MAF: variants seen among roughly 807,000 people sequenced by gnomAD.
The protein encoded by MAF is transcription factor Maf.
A neutral mutation model predicts 22.0 loss-of-function variants in MAF; 10 were observed. The observed-to-expected ratio is 0.45, with a 90% CI of 0.28 to 0.77. The LOEUF is 0.77. MAF is among the 30% of genes least tolerant of loss of function. MAF has a pLI of 0.12. For missense variants in MAF, 544 were observed against 548.4 expected (o/e 0.99, Z 0.08); for synonymous variants, 337 against 255.8 (o/e 1.32, Z -3.03).
At chr16:79,393,252 A>C in the MAF span, among the ~76,000 whole-genome samples, 1 of 151,616 alleles carries the variant, frequency 6.6e-6, no homozygotes, top group African/African-American at 2.4e-5. Flanking sequence ...CCTGGGCTGT[A>C]CCTACAGACT....
At chr16:79,310,440 A>C in the MAF span, among the ~76,000 whole-genome samples, 1 of 152,196 alleles carries the variant, frequency 6.6e-6, no homozygotes, top group Admixed American at 6.5e-5. Context: ...CTTTGTAAAT[A>C]CGCTCAAGAA....
the MAF span, among the ~76,000 whole-genome samples, chr16:79,260,573 G>A: frequency 3.3e-5 from 5 of 152,076 alleles, no homozygotes; most frequent in South Asian, 4.1e-4. Flanking sequence ...TTTTAAAATT[G>A]TATTCCCAAT....
At chr16:79,485,473 A>G in the MAF span, among the ~76,000 whole-genome samples, 1 of 152,178 alleles carries the variant, frequency 6.6e-6, no homozygotes, top group Admixed American at 6.5e-5. Flanking sequence ...CTCCTTGAGG[A>G]CCAGAGCTGA....
At chr16:79,537,500 C>A in the MAF span, among the ~76,000 whole-genome samples, 2 of 152,182 alleles carry the variant, frequency 1.3e-5, no homozygotes, top group African/African-American at 2.4e-5. Context: ...GCTCTAAGTT[C>A]GTGCGGCTGA....
chr16:79,398,685 C>A, the MAF span, among the ~76,000 whole-genome samples: 1 of 138,956 alleles, frequency 7.2e-6, no homozygotes, highest in Non-Finnish European at 1.6e-5. Context: ...CTCTGAGGTC[C>A]CTACCTTGGA....
At chr16:79,218,103 G>C in the MAF span, among the ~76,000 whole-genome samples, 8 of 143,970 alleles carry the variant, frequency 5.6e-5, no homozygotes, top group Admixed American at 5.9e-4. Flanking sequence ...GGTCACTTTA[G>C]AATACTAAGT....
At chr16:79,362,776 T>C in the MAF span, among the ~76,000 whole-genome samples, 1 of 152,208 alleles carries the variant, frequency 6.6e-6, no homozygotes, top group African/African-American at 2.4e-5. Context: ...GGGTGTGGTT[T>C]CCACAATGGG....
chr16:79,559,635 A>T, the MAF span, among the ~76,000 whole-genome samples: 2 of 150,094 alleles, frequency 1.3e-5, no homozygotes, highest in East Asian at 3.9e-4. Context: ...CTAGATGTTC[A>T]TAAAAAAAAA....
the MAF span, among the ~76,000 whole-genome samples, chr16:79,312,912 G>A: frequency 6.6e-6 from 1 of 152,124 alleles, no homozygotes; most frequent in African/African-American, 2.4e-5. Context: ...ACCCAAAAGT[G>A]GCCTGATAAT....
the MAF span, among the ~76,000 whole-genome samples, chr16:79,348,232 T>C: frequency 6.6e-6 from 1 of 152,242 alleles, no homozygotes; most frequent in African/African-American, 2.4e-5. Flanking sequence ...TTGGAGAGCC[T>C]TGAAGCTCAG....
chr16:79,299,048 G>A, the MAF span, among the ~76,000 whole-genome samples: 1 of 152,232 alleles, frequency 6.6e-6, no homozygotes, highest in Non-Finnish European at 1.5e-5. Context: ...TGGGCACTGG[G>A]GCTCGGCGGC....
In MAF at chr16:79,599,341, C is replaced by CGTG. The variant is rs1029898670; in HGVS notation, c.559_561dup (p.His187dup). On this transcript the variant is annotated inframe_insertion, in exon 1 of 2. Coordinates refer to ENST00000326043, the MANE Select transcript of MAF (RefSeq NM_005360.5). Reference sequence around the variant, plus strand: ...GTCGGGTGGTGGTGGTGGCCGGCGGCGTGGTGGTGGTGGTGGTGGTAGTGC... The same window carrying CGTG: ...GTCGGGTGGTGGTGGTGGCCGGCGGCGTGGTGGTGGTGGTGGTGGTGGTAGTGC... 1.4e-4 allele frequency: 142 copies of CGTG among 987,410 alleles called. No individual in the cohort carries two copies. The South Asian group carries it at 2.0e-3, about 14-fold the overall frequency. 61.2% of individuals were successfully genotyped at this position (987,410 alleles called of 1,614,324 possible). A position where few individuals can be genotyped will look rare whatever the true frequency, so the allele number is the denominator to read the frequency against.
the MAF span, among the ~76,000 whole-genome samples, chr16:79,217,043 A>C: frequency 6.6e-6 from 1 of 152,108 alleles, no homozygotes; most frequent in Non-Finnish European, 1.5e-5. Flanking sequence ...CTCCTGCCCT[A>C]AAGTGATCCA....
the MAF span, among the ~76,000 whole-genome samples, chr16:79,489,541 G>A: frequency 2.6e-5 from 4 of 152,298 alleles, no homozygotes; most frequent in East Asian, 7.7e-4. Flanking sequence ...CTTCCCTGTT[G>A]GGGAACAGAA....
chr16:79,250,055 ATTTTG>A, the MAF span, among the ~76,000 whole-genome samples: 1 of 152,200 alleles, frequency 6.6e-6, no homozygotes, highest in Non-Finnish European at 1.5e-5. Flanking sequence ...TCATTATTTT[ATTTTG>A]AATCTGAGTT....
At chr16:79,248,900 TTTATCA>T in the MAF span, among the ~76,000 whole-genome samples, 315 of 152,302 alleles carry the variant, frequency 2.1e-3, 1 homozygote, top group Non-Finnish European at 3.8e-3. Context: ...CTGTCAGCCA[TTTATCA>T]TTAAGTACAT....
At chr16:79,359,291 G>C in the MAF span, among the ~76,000 whole-genome samples, 1 of 152,202 alleles carries the variant, frequency 6.6e-6, no homozygotes, top group African/African-American at 2.4e-5. Flanking sequence ...GTCTCAGGAA[G>C]TGATGGTGAT....
the MAF span, among the ~76,000 whole-genome samples, chr16:79,523,481 TGTTC>T: frequency 6.6e-6 from 1 of 152,380 alleles, no homozygotes; most frequent in East Asian, 1.9e-4. Flanking sequence ...TTCATTCATT[TGTTC>T]ACTCATTCTA....
At chr16:79,209,254 CA>C in the MAF span, among the ~76,000 whole-genome samples, 1 of 152,214 alleles carries the variant, frequency 6.6e-6, no homozygotes, top group African/African-American at 2.4e-5. Context: ...GGTAGGTCCC[CA>C]GCTCCTGCAA....
Sources: allele counts gnomAD v4.1 joint callset (sites outside exome capture counted in the v4.1 genomes callset), GRCh38; gene constraint gnomAD v4.1.1; transcripts MANE v1.5; gene names NCBI Gene and HGNC (gene_info 2026-07-23, HGNC 2026-07-21).